FOLR2: variants seen among roughly 807,000 people sequenced by gnomAD.
FOLR2 encodes the protein folate receptor 2 (fetal).
Under a neutral mutation model 20.4 loss-of-function variants are expected in FOLR2, and 14 were observed. The ratio of observed to expected loss-of-function variants is 0.68; its 90% CI spans 0.45 to 1.07. The LOEUF (loss-of-function observed/expected upper bound fraction) is 1.07, where lower values mean the gene tolerates loss of function less well. FOLR2 is among the 50% of genes least tolerant of loss of function. The pLI, the probability that FOLR2 is intolerant of heterozygous loss-of-function variation, is 0.00. For missense variants in FOLR2, 269 were observed against 322.6 expected (o/e 0.83, Z 1.27); for synonymous variants, 114 against 114.3 (o/e 1.00, Z 0.02).
chr11:72,221,564 A>C lies in FOLR2; in HGVS notation c.570A>C (p.Ser190=). ...TTTGTGAAGGCCTCTGGAGTCACTC[A>C]TACAAGGTCAGCAACTACAGCCGAG... ...AALCEGLWSH[S]YKVSNYSRGS... is the part of the protein sequence containing the mutation. Residue 190 remains serine, a synonymous_variant, in exon 5 of 5, where the codon TCA becomes TCC. Transcript: ENST00000298223. 1 of 1,614,100 alleles carries C rather than the reference A, an allele frequency of 6.2e-7. No homozygotes were observed. The highest frequency in any genetic ancestry group is 2.2e-5 in the East Asian group (1 of 44,882).
rs1457335113 is a variant in FOLR2, at chr11:72,218,690, C to A, written c.106C>A (p.His36Asn). 6.2e-7 allele frequency: 1 copy of A among 1,612,674 alleles called. No homozygotes were observed. Among genetic ancestry groups the A allele is most frequent in the African/African-American group, 1.3e-5 (1 of 75,042 alleles). Residue 36 changes from histidine to asparagine, a missense_variant, in exon 2 of 5, where the codon CAC becomes AAC. By Grantham distance (68) the His-to-Asn change is moderately conservative (BLOSUM62 1). Transcript: ENST00000298223. The part of the protein sequence containing the change: ...DLLNVCMDAK[H>N]HKTKPGPEDK... ...CCTCAATGTCTGTATGGATGCCAAG[C>A]ACCACAAGACAAAGCCAGGTCCTGA... is the stretch of plus-strand genomic sequence containing the variant.
Position 72,218,720 on chromosome 11 carries a change from A to C in FOLR2, c.136A>C (p.Lys46Gln). The change falls in exon 2 of 5, where the codon AAG becomes CAG. Residue 46 changes from lysine (K) to glutamine (Q), a missense_variant. Coordinates refer to ENST00000298223, the MANE Select transcript of FOLR2 (RefSeq NM_000803.5). Reference sequence around the variant, plus strand: ...CAAGACAAAGCCAGGTCCTGAGGACAAGCTGCATGACCAAGTACGGCTGGA... The same window carrying C: ...CAAGACAAAGCCAGGTCCTGAGGACCAGCTGCATGACCAAGTACGGCTGGA... Reference protein sequence around the residue: ...HHKTKPGPEDKLHDQCSPWKK... With the variant: ...HHKTKPGPEDQLHDQCSPWKK... The C allele has an allele frequency of 6.2e-7, 1 of 1,611,726 alleles. No homozygotes were observed. Among genetic ancestry groups the C allele is most frequent in the Non-Finnish European group, 8.5e-7 (1 of 1,178,820 alleles).
intron 1 of FOLR2, among the ~76,000 whole-genome samples, chr11:72,217,786 A>G (rs1948416058): frequency 6.6e-6 from 1 of 152,238 alleles, no homozygotes; most frequent in South Asian, 2.1e-4. Context: ...CAGTCACCGG[A>G]GCAGTGTACA....
chr11:72,218,758 T>C (rs938559414), intron 2 of FOLR2, 24 bp downstream of exon 2: 5 of 1,598,258 alleles, frequency 3.1e-6, no homozygotes, highest in Non-Finnish European at 3.4e-6. Context: ...GTGCCTCTGC[T>C]AAGGAGGGGG....
At chr11:72,218,449 G>A in intron 1 of FOLR2, 112 bp from the exon 2 acceptor site, 1 of 921,468 alleles carries the variant, frequency 1.1e-6, no homozygotes, top group Admixed American at 2.3e-5. Flanking sequence ...AGCATTGAAG[G>A]AACAGGGTCT....
chr11:72,217,445 C>A (rs768879800), intron 1 of FOLR2: 3 of 1,209,224 alleles, frequency 2.5e-6, no homozygotes, highest in African/African-American at 1.6e-5. Context: ...TTTGGAGGGA[C>A]CTTTACCAGA....
At position 72,221,701 on chromosome 11, in the gene FOLR2, A is replaced by G; in HGVS notation, c.707A>G (p.His236Arg). 1 of 1,614,042 alleles carries G rather than the reference A, an allele frequency of 6.2e-7. No individual in the cohort carries two copies. The highest frequency in any genetic ancestry group is 8.5e-7 in the Non-Finnish European group (1 of 1,179,952). ...CATGTGAATGCTGGTGAGATGCTTCATGGGACTGGGGGTCTCCTGCTCAGT... is the reference window on the plus strand; with the variant it reads ...CATGTGAATGCTGGTGAGATGCTTCGTGGGACTGGGGGTCTCCTGCTCAGT... Reference protein sequence around the residue: ...AMHVNAGEMLHGTGGLLLSLA... With the variant: ...AMHVNAGEMLRGTGGLLLSLA... The change falls in exon 5 of 5, where the codon CAT becomes CGT. Residue 236 changes from histidine to arginine, a missense_variant. Physicochemically the swap from His to Arg is conservative, Grantham distance 29. Coordinates refer to ENST00000298223, the MANE Select transcript of FOLR2 (RefSeq NM_000803.5).
chr11:72,221,150 G>T, intron 3 of FOLR2, 26 bp from the exon 4 acceptor site: 1 of 1,605,824 alleles, frequency 6.2e-7, no homozygotes, highest in African/African-American at 1.3e-5. Context: ...GCTGAGAGGA[G>T]CCCTGCCTCC....
rs748383708 is a variant in FOLR2 at position 72,218,630 on chromosome 11, G to A, written c.46G>A (p.Ala16Thr). 5.6e-6 allele frequency: 9 copies of A among 1,613,412 alleles called. No individual in the cohort carries two copies. Among genetic ancestry groups the A allele is most frequent in the South Asian group, 3.3e-5 (3 of 90,970 alleles). The change falls in exon 2 of 5, where the codon GCC (alanine) becomes ACC (threonine). Residue 16 changes from alanine to threonine, a missense_variant. By Grantham distance (58) the Ala-to-Thr change is moderately conservative (BLOSUM62 0). Transcript: ENST00000298223. ...ACTTCTGCTGCTTCTGGTCTGTGTA[G>A]CCACCATGTGCAGTGCCCAGGACAG... is the stretch of plus-strand genomic sequence containing the variant. Reference protein sequence around the residue: ...MPLLLLLVCVATMCSAQDRTD... With the variant: ...MPLLLLLVCVTTMCSAQDRTD...
In FOLR2 at chr11:72,221,486, A is replaced by G; in HGVS notation, c.492A>G (p.Pro164=). 1 of 1,613,918 alleles carries G rather than the reference A, an allele frequency of 6.2e-7. No individual in the cohort carries two copies. Among genetic ancestry groups the G allele is most frequent in the South Asian group, 1.1e-5 (1 of 91,082 alleles). The change falls in exon 5 of 5, where the codon CCA becomes CCG. Residue 164 remains proline (P), a synonymous_variant. Transcript: ENST00000298223. ...WDWTSGVNKC[P]AGALCRTFES... The stretch of plus-strand genomic sequence containing the variant: ...TCCCTGCAGGAGTTAACAAGTGCCC[A>G]GCTGGGGCTCTCTGCCGCACCTTTG...
rs1014297809 is a variant in FOLR2 at position 72,221,496 on chromosome 11, C to T, written c.502C>T (p.Leu168Phe). 1.9e-6 allele frequency: 3 copies of T among 1,613,808 alleles called. No homozygotes were observed. The African/African-American group carries it at 4.0e-5, about 22-fold the overall frequency. Residue 168 changes from leucine to phenylalanine, a missense_variant, in exon 5 of 5, where the codon CTC becomes TTC. Physicochemically the swap from Leu to Phe is conservative, Grantham distance 22 (BLOSUM62 0). Transcript: ENST00000298223. ...SGVNKCPAGA[L>F]CRTFESYFPT... is the part of the protein sequence containing the mutation. The stretch of plus-strand genomic sequence containing the variant: ...AGTTAACAAGTGCCCAGCTGGGGCT[C>T]TCTGCCGCACCTTTGAGTCCTACTT...
At position 72,221,067 on chromosome 11, in the gene FOLR2, T is replaced by TCGGGGGGGC; in HGVS notation, c.339+10_339+11insGGGGGGGCC. On this transcript the variant is annotated intron_variant, in intron 3 of 4. Transcript: ENST00000298223. ...GGCCCTGGATCCAGCAGGTAGGGTG[T>TCGGGGGGGC]CTCCCCCCCACCCACCCCAGCAGAC... 4 of 1,570,026 alleles carry TCGGGGGGGC rather than the reference T, an allele frequency of 2.5e-6. No homozygotes were observed. Among genetic ancestry groups the TCGGGGGGGC allele is most frequent in the Non-Finnish European group, 3.5e-6 (4 of 1,154,832 alleles).
At chr11:72,218,526 C>A in intron 1 of FOLR2, 35 bp from the exon 2 acceptor site, 2 of 1,579,428 alleles carry the variant, frequency 1.3e-6, no homozygotes, top group Non-Finnish European at 1.7e-6. Context: ...CAGCTTGGAG[C>A]CCTTTCCCCT....
At chr11:72,218,977 T>C (rs980027066) in intron 2 of FOLR2, among the ~76,000 whole-genome samples, 1 of 152,202 alleles carries the variant, frequency 6.6e-6, no homozygotes, top group African/African-American at 2.4e-5. Flanking sequence ...TCAGTTGTCA[T>C]GTGTTTTTTG....
In FOLR2 at chr11:72,221,070, C is replaced by CCCCCCCCCCCCCCCCCCCCCCA; in HGVS notation, c.339+18_339+19insCCCCCCCCCCCCCCCACCCCCC. 1 of 427,110 alleles carries CCCCCCCCCCCCCCCCCCCCCCA rather than the reference C, an allele frequency of 2.3e-6. No homozygotes were observed. The highest frequency in any genetic ancestry group is 9.1e-5 in the East Asian group (1 of 10,998). 26.5% of individuals were successfully genotyped at this position (427,110 alleles called of 1,614,324 possible). A position where few individuals can be genotyped will look rare whatever the true frequency, so the allele number is the denominator to read the frequency against. On this transcript the variant is annotated intron_variant, in intron 3 of 4. Transcript: ENST00000298223. ...CCTGGATCCAGCAGGTAGGGTGTCT[C>CCCCCCCCCCCCCCCCCCCCCCA]CCCCCCACCCACCCCAGCAGACTGC... is the stretch of plus-strand genomic sequence containing the variant.
chr11:72,221,303 G>A lies in FOLR2; in HGVS notation c.467G>A (p.Trp156Ter). 1 of 1,613,904 alleles carries A rather than the reference G, an allele frequency of 6.2e-7. No individual in the cohort carries two copies. The highest frequency in any genetic ancestry group is 8.5e-7 in the Non-Finnish European group (1 of 1,179,840). Residue 156 changes from tryptophan (W) to a stop codon, truncating the protein, a stop_gained, in exon 4 of 5, where the codon TGG (tryptophan) becomes TAG (stop). Transcript: ENST00000298223. LOFTEE classifies it low-confidence loss of function (END_TRUNC). ...CKSNWHRGWDWTSGVNKCPAG... is the reference protein window; with the variant it reads ...CKSNWHRGWD ...AGCAACTGGCACAGAGGATGGGACT[G>A]GACCTCAGGTGAGGGTGATTGAGTT...
intron 1 of FOLR2, among the ~76,000 whole-genome samples, chr11:72,217,926 G>C (rs1485406533): frequency 1.3e-5 from 2 of 152,178 alleles, no homozygotes; most frequent in African/African-American, 4.8e-5. Context: ...CCCAGAGACA[G>C]CTGAGGAGGC....
rs1352757797 is a variant in FOLR2, at chr11:72,216,806, C to T, written c.-144C>T. 2 of 1,309,452 alleles carry T rather than the reference C, an allele frequency of 1.5e-6. No homozygotes were observed. The highest frequency in any genetic ancestry group is 2.9e-5 in the African/African-American group (2 of 69,366). The allele number at this position is 1,309,452 out of a possible 1,614,324, so 81.1% of individuals were successfully genotyped here. A position where few individuals can be genotyped will look rare whatever the true frequency, so the allele number is the denominator to read the frequency against. ...CTCAGTGCTTACCAGAGCGCGTTGT[C>T]TACCCTGTACCGAAGACAGAGGCTG... On this transcript the variant is annotated 5_prime_UTR_variant, in exon 1 of 5. Transcript: ENST00000298223.
At position 72,218,023 on chromosome 11, in the gene FOLR2, C is replaced by T. The variant is rs568334512; in HGVS notation, c.-24-538C>T. The stretch of plus-strand genomic sequence containing the variant: ...TAAAAAACACTGCTCTTTCCATTTC[C>T]GTATCATTTAACCAAACACCATCCT... On this transcript the variant is annotated intron_variant, in intron 1 of 4. Coordinates refer to ENST00000298223, the MANE Select transcript of FOLR2 (RefSeq NM_000803.5). 3.3e-5 allele frequency among the ~76,000 whole-genome samples: 5 copies of T among 152,254 alleles called. No individual in the cohort carries two copies. The South Asian group carries it at 1.0e-3, about 32-fold the overall frequency.
Sources: gnomAD v4.1 joint callset for allele counts (sites outside exome capture counted in the v4.1 genomes callset) on GRCh38, gnomAD v4.1.1 for gene constraint, MANE v1.5 for transcripts, NCBI Gene and HGNC (gene_info 2026-07-23, HGNC 2026-07-21) for gene names.